The following FAM83A variants were observed in gnomAD, a reference collection of about 807,000 sequenced individuals.
The protein encoded by FAM83A is scaffolding CK1 anchoring protein A, also known as protein FAM83A.
FAM83A carries 21 observed loss-of-function variants against 24.4 expected under a neutral mutation model. The observed-to-expected ratio is 0.86, with a 90% CI of 0.61 to 1.24. The LOEUF is 1.24. Among genes scored for constraint, FAM83A ranks in the 50% most tolerant of loss-of-function variants. The pLI is 0.00. For missense variants in FAM83A, 617 were observed against 579.8 expected, an observed-to-expected ratio of 1.06 and a Z score of -0.66; for synonymous variants, 270 against 252.4, an observed-to-expected ratio of 1.07 and a Z score of -0.66.
At chr8:123,191,694 C>A (rs200513192) in intron 1 of FAM83A, 109 bp from the exon 2 acceptor site, 1 of 1,171,618 alleles carries the variant, frequency 8.5e-7, no homozygotes, top group Non-Finnish European at 1.2e-6. Flanking sequence ...CCCCTCTGGC[C>A]CAATGGGAAC....
At chr8:123,193,315 C>A (rs866287869) in intron 2 of FAM83A, among the ~76,000 whole-genome samples, 24 of 152,350 alleles carry the variant, frequency 1.6e-4, no homozygotes, top group Admixed American at 7.8e-4. Context: ...AAGCCACTTA[C>A]AAGGCAGGGC....
rs183187828 is a variant in FAM83A at position 123,191,794 on chromosome 8, C to T, written c.481-9C>T. 40 of 1,613,248 alleles carry T rather than the reference C, an allele frequency of 2.5e-5. No homozygotes were observed. The East Asian group carries it at 8.7e-4, about 35-fold the overall frequency. On this transcript the variant is annotated splice_polypyrimidine_tract_variant and intron_variant, in intron 1 of 3. Transcript: ENST00000690554. ...CTTTCTGGTAACTGAGCACTCTGCC[C>T]TGGCCCAGGTCCTGGTCATCCTGAT...
At chr8:123,205,036 C>T (rs1013203294) in intron 3 of FAM83A, among the ~76,000 whole-genome samples, 4 of 151,788 alleles carry the variant, frequency 2.6e-5, no homozygotes, top group African/African-American at 9.7e-5. Flanking sequence ...TGCTTTAACC[C>T]AGGAGGCAGA....
intron 3 of FAM83A, among the ~76,000 whole-genome samples, chr8:123,195,284 G>A (rs1414746313): frequency 6.6e-6 from 1 of 152,136 alleles, no homozygotes; most frequent in Non-Finnish European, 1.5e-5. Flanking sequence ...TTTCCAGGGG[G>A]TGTTAAGGAT....
chr8:123,204,919 C>A (rs1384519238), intron 3 of FAM83A, among the ~76,000 whole-genome samples: 3 of 152,078 alleles, frequency 2.0e-5, no homozygotes, highest in African/African-American at 7.2e-5. Context: ...CAAGACCAGG[C>A]TGGCCAAGAT....
intron 3 of FAM83A, among the ~76,000 whole-genome samples, chr8:123,206,079 G>C (rs1444603016): frequency 6.6e-6 from 1 of 151,296 alleles, no homozygotes; most frequent in Non-Finnish European, 1.5e-5. Flanking sequence ...AGAGGCGGAG[G>C]TTGCAGTGGG....
At chr8:123,191,806 C>T (rs1823983914) in exon 2 of FAM83A, 1 of 1,613,720 alleles carries the variant, frequency 6.2e-7, no homozygotes, top group Non-Finnish European at 8.5e-7. Context: ...GGCCCAGGTC[C>T]TGGTCATCCT....
At chr8:123,190,834 C>G (rs545489342) in intron 1 of FAM83A, among the ~76,000 whole-genome samples, 1 of 152,296 alleles carries the variant, frequency 6.6e-6, no homozygotes, top group South Asian at 2.1e-4. Context: ...CAGGCAGGCT[C>G]TCCCCAAGAG....
chr8:123,206,535 G>A (rs1563790211), intron 3 of FAM83A, among the ~76,000 whole-genome samples: 1 of 152,322 alleles, frequency 6.6e-6, no homozygotes, highest in East Asian at 1.9e-4. Flanking sequence ...AGACGAGAAG[G>A]CCCCGGCTGC....
At chr8:123,180,110 T>A (rs190272601), upstream of FAM83A, 109 of 152,350 alleles carry the variant, frequency 7.2e-4, 2 homozygotes, top group African/African-American at 2.5e-3. Flanking sequence ...AAATGAGGAC[T>A]AATAATCCAT....
rs182643274 is a variant in FAM83A, at chr8:123,190,411, A to G, written c.481-1392A>G. ...CCAGTAGCTGGGACTATAGGCGTGCACTACCAGTCCAGCTAATTTTTTTTT... is the reference window on the plus strand; with the variant it reads ...CCAGTAGCTGGGACTATAGGCGTGCGCTACCAGTCCAGCTAATTTTTTTTT... On this transcript the variant is annotated intron_variant, in intron 1 of 3. Coordinates refer to ENST00000690554, the Ensembl canonical transcript of FAM83A. Among the ~76,000 whole-genome samples, 768 of 149,336 alleles carry G rather than the reference A, an allele frequency of 5.1e-3. 8 individuals are homozygous for G. Among genetic ancestry groups the G allele is most frequent in the Non-Finnish European group, 8.4e-3 (565 of 67,528 alleles).
chr8:123,194,582 C>T (rs376040959), intron 3 of FAM83A, among the ~76,000 whole-genome samples: 9 of 151,070 alleles, frequency 6.0e-5, no homozygotes, highest in African/African-American at 2.2e-4. Context: ...CTCCAGGATT[C>T]AAGAGATTCT....
chr8:123,183,336 G>A (rs1191103176), exon 1 of FAM83A: 1 of 1,606,634 alleles, frequency 6.2e-7, no homozygotes, highest in Non-Finnish European at 8.5e-7. Flanking sequence ...GGACTAGCCA[G>A]GTACCGATGG....
intron 2 of FAM83A, among the ~76,000 whole-genome samples, chr8:123,192,447 C>G (rs1348321044): frequency 6.6e-6 from 1 of 152,230 alleles, no homozygotes; most frequent in Non-Finnish European, 1.5e-5. Context: ...CTGGTCCCAA[C>G]AAGACATTGA....
exon 1 of FAM83A, chr8:123,183,089 C>A: frequency 6.2e-7 from 1 of 1,613,910 alleles, no homozygotes; most frequent in South Asian, 1.1e-5. Context: ...GCCAGGGAGC[C>A]CCCGTGTCCC....
At chr8:123,182,917 T>A in exon 1 of FAM83A, 1 of 1,544,396 alleles carries the variant, frequency 6.5e-7, no homozygotes. Context: ...CAAGAGCCAG[T>A]GGGTCCGGCC....
At chr8:123,204,637 C>T (rs946231045) in intron 3 of FAM83A, among the ~76,000 whole-genome samples, 1 of 152,004 alleles carries the variant, frequency 6.6e-6, no homozygotes, top group Admixed American at 6.6e-5. Flanking sequence ...TGGCGGGCGC[C>T]TGTAGTCCCA....
At chr8:123,182,529 TC>T (rs1303490139), upstream of FAM83A, 2 of 530,164 alleles carry the variant, frequency 3.8e-6, no homozygotes, top group Non-Finnish European at 7.3e-6. Flanking sequence ...CGGCTCACCT[TC>T]GCCTCCCCCT....
In FAM83A at chr8:123,209,309, T is replaced by C. The variant is rs902050402; in HGVS notation, c.*1621T>C. ...AGTCCCCTCTGCCCATCCATCCCTC[T>C]GTTCCAATTCTCCACTGCTCCCAGC... On this transcript the variant is annotated 3_prime_UTR_variant, in exon 4 of 4. Transcript: ENST00000690554. The surrounding 1 kb of genome is among the most constrained non-coding windows in gnomAD (Gnocchi z 4.7). The C allele has an allele frequency of 7.2e-7, 1 of 1,394,094 alleles. No individual in the cohort carries two copies. Among genetic ancestry groups the C allele is most frequent in the Non-Finnish European group, 9.2e-7 (1 of 1,081,712 alleles). 86.4% of individuals were successfully genotyped at this position (1,394,094 alleles called of 1,614,324 possible). A position where few individuals can be genotyped will look rare whatever the true frequency, so the allele number is the denominator to read the frequency against.
Sources: allele counts gnomAD v4.1 joint callset (sites outside exome capture counted in the v4.1 genomes callset), GRCh38; gene constraint gnomAD v4.1.1; non-coding constraint Gnocchi (gnomAD v3.1); transcripts MANE v1.5; gene names NCBI Gene and HGNC (gene_info 2026-07-23, HGNC 2026-07-21).